Variants in COPE observed in about 807,000 individuals in gnomAD.
The protein encoded by COPE is coatomer subunit epsilon.
A neutral mutation model predicts 42.1 loss-of-function variants in COPE; 19 were observed. The observed-to-expected ratio is 0.45, with a 90% CI of 0.31 to 0.66. The LOEUF (loss-of-function observed/expected upper bound fraction) is 0.66, where lower values mean the gene tolerates loss of function less well. COPE is among the 30% of genes least tolerant of loss of function. COPE has a pLI of 0.05. For missense variants in COPE, 402 were observed against 416.1 expected (o/e 0.97, Z 0.30); for synonymous variants, 195 against 181.3 (o/e 1.08, Z -0.60).
intron 3 of COPE, among the ~76,000 whole-genome samples, chr19:18,909,953 T>C (rs759961468): frequency 1.3e-5 from 2 of 152,204 alleles, no homozygotes; most frequent in African/African-American, 2.4e-5. Context: ...GCATGTGGGA[T>C]AGGATATGGA....
chr19:18,903,455 C>T (rs767084474), intron 6 of COPE, 32 bp from the exon 7 acceptor site: 1 of 1,569,314 alleles, frequency 6.4e-7, no homozygotes, highest in Admixed American at 1.8e-5. Context: ...ATTGCCTGTG[C>T]CCCTGCTGCC....
chr19:18,912,903 C>T, intron 2 of COPE, 81 bp downstream of exon 2: 2 of 1,399,534 alleles, frequency 1.4e-6, no homozygotes, highest in Admixed American at 3.4e-5. Context: ...CCCCGCCACC[C>T]ACTCTGTGGT....
intron 1 of COPE, among the ~76,000 whole-genome samples, chr19:18,916,944 CAAAAAA>C (rs34497308): frequency 1.5e-5 from 1 of 68,692 alleles, no homozygotes; most frequent in Non-Finnish European, 2.7e-5. Context: ...GATCCTGTCT[CAAAAAA>C]AAAAAAAAAA....
intron 7 of COPE, among the ~76,000 whole-genome samples, chr19:18,902,403 G>A (rs1416335388): frequency 3.3e-5 from 5 of 150,782 alleles, no homozygotes; most frequent in Non-Finnish European, 5.9e-5. Context: ...GGTGGCTCAC[G>A]CCTATAATCC....
chr19:18,905,477 A>G, intron 5 of COPE, 99 bp downstream of exon 5: 3 of 1,218,014 alleles, frequency 2.5e-6, no homozygotes, highest in Non-Finnish European at 3.4e-6. Flanking sequence ...AGACAACAAG[A>G]GTAATGACAG....
At chr19:18,914,881 C>T (rs1350364704) in intron 1 of COPE, among the ~76,000 whole-genome samples, 2 of 151,172 alleles carry the variant, frequency 1.3e-5, no homozygotes, top group Middle Eastern at 3.2e-3. Context: ...CTCAGTCTCC[C>T]GAGTAGCCGC....
At chr19:18,911,240 C>G (rs1568320933) in intron 2 of COPE, 169 bp from the exon 3 acceptor site, 1 of 629,500 alleles carries the variant, frequency 1.6e-6, no homozygotes, top group Admixed American at 2.5e-5. Context: ...CATGGCGTCA[C>G]CTGTCGTGAG....
At chr19:18,917,399 G>A (rs1054114285) in intron 1 of COPE, among the ~76,000 whole-genome samples, 13 of 150,720 alleles carry the variant, frequency 8.6e-5, no homozygotes, top group African/African-American at 2.0e-4. Context: ...GAGAAGTCTC[G>A]CTCTTGTTCC....
intron 3 of COPE, chr19:18,910,731 G>A (rs947832199): frequency 1.3e-4 from 72 of 572,420 alleles, no homozygotes; most frequent in Middle Eastern, 4.7e-4. Context: ...CCATGAGGGC[G>A]TGTGCACACA....
At position 18,903,353 on chromosome 19, in the gene COPE, A is replaced by G. The variant is rs984530755; in HGVS notation, c.650T>C (p.Leu217Pro). ...GCAGGCCGCCTGCCCATTGAGCAGCAGCAGGGTGGGCGAGCACTTGTCAGC... is the reference window on the plus strand; with the variant it reads ...GCAGGCCGCCTGCCCATTGAGCAGCGGCAGGGTGGGCGAGCACTTGTCAGC... ...EMADKCSPTL[L>P]LLNGQAACHM... Residue 217 changes from leucine (L) to proline (P), a missense_variant, in exon 7 of 10, where the codon CTG (leucine) becomes CCG (proline). Physicochemically the swap from Leu to Pro is moderately conservative, Grantham distance 98. Coordinates refer to ENST00000262812, the MANE Select transcript of COPE (RefSeq NM_007263.4). 1 of 1,612,826 alleles carries G rather than the reference A, an allele frequency of 6.2e-7. No homozygotes were observed. Among genetic ancestry groups the G allele is most frequent in the Non-Finnish European group, 8.5e-7 (1 of 1,179,570 alleles).
At chr19:18,914,306 G>GT (rs1460186135) in intron 1 of COPE, among the ~76,000 whole-genome samples, 1 of 151,872 alleles carries the variant, frequency 6.6e-6, no homozygotes, top group Non-Finnish European at 1.5e-5. Flanking sequence ...TTGGGAGGCC[G>GT]AAGTGGGTGG....
chr19:18,907,063 C>A lies in COPE; in HGVS notation c.340G>T (p.Val114Leu), dbSNP rs751347373. 6.2e-7 allele frequency: 1 copy of A among 1,609,984 alleles called. No individual in the cohort carries two copies. Among genetic ancestry groups the A allele is most frequent in the Non-Finnish European group, 8.5e-7 (1 of 1,178,674 alleles). The change falls in exon 4 of 10, where the codon GTG (valine) becomes TTG (leucine). Residue 114 changes from valine to leucine, a missense_variant. Val to Leu is a conservative substitution (Grantham distance 32). Transcript: ENST00000262812. ...LDREMSRSVD[V>L]TNTTFLLMAA... ...ATGAGCAGGAAGGTGGTGTTGGTCA[C>A]GTCCACGCTCCTGCTCATCTCTCGG...
In COPE at chr19:18,907,019, G is replaced by A. The variant is rs11537886; in HGVS notation, c.384C>T (p.Leu128=). 4.4e-6 allele frequency: 7 copies of A among 1,596,780 alleles called. No homozygotes were observed. The highest frequency in any genetic ancestry group is 2.3e-5 in the East Asian group (1 of 44,158). The part of the protein sequence containing the change: ...TFLLMAASIY[L]HDQNPDAALR... ...GGGCGGCATCCGGGTTCTGGTCGTG[G>A]AGATAGATGGAGGCGGCCATGAGCA... Residue 128 remains leucine, a synonymous_variant, in exon 4 of 10, where the codon CTC becomes CTT. Transcript: ENST00000262812.
In COPE at chr19:18,915,350, G is replaced by C. The variant is rs571720236; in HGVS notation, c.127-2304C>G. 6.0e-4 allele frequency among the ~76,000 whole-genome samples: 92 copies of C among 152,370 alleles called. 1 individual carries two copies. Among genetic ancestry groups the C allele is most frequent in the Admixed American group, 4.2e-3 (65 of 15,308 alleles). ...AGGTGCCCAGGAGACTGTGCGTGCG[G>C]AAGTGCTCAGAGGCTGCAGAGTGCA... On this transcript the variant is annotated intron_variant, in intron 1 of 9. Transcript: ENST00000262812.
rs1455512263 is a variant in COPE, at chr19:18,919,207, C to T, written c.126+16G>A. The T allele has an allele frequency of 1.9e-6, 3 of 1,604,488 alleles. No homozygotes were observed. The highest frequency in any genetic ancestry group is 2.2e-5 in the East Asian group (1 of 44,652). ...GCCTCCGCCCCCAGCGTCCCCGCGC[C>T]CCTGCGCGGCCGCACCTTCACCCGC... On this transcript the variant is annotated intron_variant, in intron 1 of 9. Coordinates refer to ENST00000262812, the MANE Select transcript of COPE (RefSeq NM_007263.4).
chr19:18,901,172 G>T (rs914170878), intron 7 of COPE, among the ~76,000 whole-genome samples: 12 of 152,242 alleles, frequency 7.9e-5, no homozygotes, highest in African/African-American at 2.9e-4. Context: ...CCACAGCCAC[G>T]GGGAGGCCAC....
chr19:18,910,411 C>T (rs1300242099), intron 3 of COPE: 1 of 154,844 alleles, frequency 6.5e-6, no homozygotes, highest in Non-Finnish European at 1.4e-5. Flanking sequence ...CACGGTGAAA[C>T]CCAGTCTCTG....
At chr19:18,918,675 C>A (rs1178495318) in intron 1 of COPE, among the ~76,000 whole-genome samples, 1 of 152,136 alleles carries the variant, frequency 6.6e-6, no homozygotes, top group East Asian at 1.9e-4. Flanking sequence ...GCGATCTGCC[C>A]GCCTCGGCCT....
chr19:18,900,551 C>T (rs1312495587), intron 7 of COPE, 102 bp from the exon 8 acceptor site: 1 of 876,752 alleles, frequency 1.1e-6, no homozygotes, highest in Non-Finnish European at 1.8e-6. Flanking sequence ...GTCACCTCCT[C>T]AGAGGTGGGG....
Sources: allele counts gnomAD v4.1 joint callset (sites outside exome capture counted in the v4.1 genomes callset), GRCh38; gene constraint gnomAD v4.1.1; transcripts MANE v1.5; gene names NCBI Gene and HGNC (gene_info 2026-07-23, HGNC 2026-07-21).